The following PPM1H variants were observed in gnomAD, a reference collection of about 807,000 sequenced individuals.
The protein encoded by PPM1H is protein phosphatase, Mg2+/Mn2+ dependent 1H.
A neutral mutation model predicts 54.9 loss-of-function variants in PPM1H; 27 were observed. The observed-to-expected ratio is 0.49, with a 90% CI of 0.36 to 0.68. PPM1H has a LOEUF of 0.68. PPM1H is among the 30% of genes least tolerant of loss of function. The pLI, the probability that PPM1H is intolerant of heterozygous loss-of-function variation, is 0.00. For missense variants in PPM1H, 596 were observed against 667.8 expected, an observed-to-expected ratio of 0.89 and a Z score of 1.19; for synonymous variants, 305 against 270.8, an observed-to-expected ratio of 1.13 and a Z score of -1.24.
intron 4 of PPM1H, among the ~76,000 whole-genome samples, chr12:62,757,120 G>A (rs540446523): frequency 2.8e-4 from 42 of 152,302 alleles, no homozygotes; most frequent in African/African-American, 7.9e-4. Flanking sequence ...TTTGGTCCTC[G>A]TGAGAAGCCT....
At position 62,677,242 on chromosome 12, in the gene PPM1H, T is replaced by A. The variant is rs187744521; in HGVS notation, c.1246-9913A>T. 2.1e-3 allele frequency among the ~76,000 whole-genome samples: 313 copies of A among 152,338 alleles called. 1 individual carries two copies. The highest frequency in any genetic ancestry group is 7.0e-3 in the African/African-American group (293 of 41,590). ...ACCTTGCTCACCCTCCAGTTGCCCATGTACCTCATTCTTCCTGGATGTGGG... is the reference window on the plus strand; with the variant it reads ...ACCTTGCTCACCCTCCAGTTGCCCAAGTACCTCATTCTTCCTGGATGTGGG... On this transcript the variant is annotated intron_variant, in intron 8 of 9. Coordinates refer to ENST00000228705, the MANE Select transcript of PPM1H (RefSeq NM_020700.2).
intron 5 of PPM1H, among the ~76,000 whole-genome samples, chr12:62,725,967 C>T (rs1161191868): frequency 6.6e-6 from 1 of 152,206 alleles, no homozygotes. Flanking sequence ...TGACACAGCA[C>T]AGGTGGCATG....
intron 1 of PPM1H, among the ~76,000 whole-genome samples, chr12:62,872,440 A>T (rs529842527): frequency 6.6e-6 from 1 of 152,358 alleles, no homozygotes; most frequent in African/African-American, 2.4e-5. Context: ...CAAATGGCAT[A>T]GATGGAATAT....
At chr12:62,724,296 T>C (rs555710903) in intron 5 of PPM1H, among the ~76,000 whole-genome samples, 2 of 152,226 alleles carry the variant, frequency 1.3e-5, no homozygotes, top group Non-Finnish European at 2.9e-5. Flanking sequence ...GCATCAGCCA[T>C]GAATGGGTAA....
chr12:62,741,147 T>C (rs1043395168), intron 4 of PPM1H, among the ~76,000 whole-genome samples: 1 of 152,176 alleles, frequency 6.6e-6, no homozygotes, highest in Non-Finnish European at 1.5e-5. Flanking sequence ...ATTTTCCACC[T>C]AGTTGCTCGT....
intron 1 of PPM1H, among the ~76,000 whole-genome samples, chr12:62,903,063 C>A (rs77170354): frequency 6.6e-6 from 1 of 152,032 alleles, no homozygotes; most frequent in Non-Finnish European, 1.5e-5. Flanking sequence ...CCAATATGGA[C>A]AACTCACTAT....
chr12:62,854,977 T>A (rs1034494081), intron 1 of PPM1H, among the ~76,000 whole-genome samples: 1 of 152,152 alleles, frequency 6.6e-6, no homozygotes, highest in African/African-American at 2.4e-5. Flanking sequence ...CTTCAGGGAT[T>A]AGACATCTGG....
Position 62,934,884 on chromosome 12 carries a change from G to C in PPM1H, c.-148C>G. ...CGCCGCGCGCGGCTCCCAGAGCCTA[G>C]TGCTGCAGGGGGCCGAGCCCCGGCC... On this transcript the variant is annotated 5_prime_UTR_variant, in exon 1 of 10. Coordinates refer to ENST00000228705, the MANE Select transcript of PPM1H (RefSeq NM_020700.2). The surrounding 1 kb of genome is among the most constrained non-coding windows in gnomAD (Gnocchi z 4.2). 4 of 703,300 alleles carry C rather than the reference G, an allele frequency of 5.7e-6. No homozygotes were observed. The highest frequency in any genetic ancestry group is 7.7e-6 in the Non-Finnish European group (4 of 516,956). The allele number at this position is 703,300 out of a possible 1,614,324, so 43.6% of individuals were successfully genotyped here.
At chr12:62,931,834 A>G (rs1251085285) in intron 1 of PPM1H, among the ~76,000 whole-genome samples, 4 of 152,232 alleles carry the variant, frequency 2.6e-5, no homozygotes, top group African/African-American at 9.7e-5. Context: ...GTTAGCCATT[A>G]CCAATAGTAT....
chr12:62,778,971 A>G (rs889754101), intron 4 of PPM1H, among the ~76,000 whole-genome samples: 1 of 151,812 alleles, frequency 6.6e-6, no homozygotes, highest in Non-Finnish European at 1.5e-5. Context: ...GAAAGGAAGA[A>G]AGGGAAGGAA....
At chr12:62,804,666 C>CTTTTTTTTTTTTTTTT (rs1162966258) in intron 2 of PPM1H, among the ~76,000 whole-genome samples, 1 of 134,284 alleles carries the variant, frequency 7.4e-6, no homozygotes. Context: ...TGGTTAATTT[C>CTTTTTTTTTTTTTTTT]TTTTTTTTTC....
At chr12:62,683,026 TTTATTATTTATTATTATTA>T (rs1325785205) in intron 8 of PPM1H, among the ~76,000 whole-genome samples, 15 of 136,912 alleles carry the variant, frequency 1.1e-4, no homozygotes, top group African/African-American at 4.0e-4. Flanking sequence ...TTTGGGAGAG[TTTATTATTTATTATTATTA>T]TTATTATTAT....
chr12:62,934,444 GA>G lies in PPM1H; in HGVS notation c.245+47del. Reference sequence around the variant, plus strand: ...GAGAAGAGGGCTGGAACCGTGCGGGGAAGGGCCGCGAGGAGAGCAGGGGCGC... The same window carrying G: ...GAGAAGAGGGCTGGAACCGTGCGGGGAGGGCCGCGAGGAGAGCAGGGGCGC... On this transcript the variant is annotated intron_variant, in intron 1 of 9. Transcript: ENST00000228705. This position sits in a 1 kb window ranked among gnomAD's most constrained non-coding sequence, Gnocchi z 4.2. 1.3e-6 allele frequency: 2 copies of G among 1,495,596 alleles called. No homozygotes were observed. Among genetic ancestry groups the G allele is most frequent in the East Asian group, 2.5e-5 (1 of 39,326 alleles). 92.6% of individuals were successfully genotyped at this position (1,495,596 alleles called of 1,614,324 possible). A position where few individuals can be genotyped will look rare whatever the true frequency, so the allele number is the denominator to read the frequency against.
chr12:62,658,056 C>CA (rs34769800), intron 9 of PPM1H, among the ~76,000 whole-genome samples: 22,290 of 107,166 alleles, frequency 0.21, 3,104 homozygotes, highest in Middle Eastern at 0.29. Context: ...ATCCAGGTTA[C>CA]AAAAAAAAAA....
At chr12:62,736,044 T>A (rs2076347897) in intron 5 of PPM1H, among the ~76,000 whole-genome samples, 1 of 152,056 alleles carries the variant, frequency 6.6e-6, no homozygotes, top group Non-Finnish European at 1.5e-5. Context: ...ATTCTGTAAA[T>A]TGCAGGGAGC....
intron 4 of PPM1H, among the ~76,000 whole-genome samples, chr12:62,746,955 CT>C (rs1352522161): frequency 2.0e-5 from 3 of 151,970 alleles, no homozygotes; most frequent in Non-Finnish European, 2.9e-5. Context: ...TCTTTCTTTC[CT>C]TTTTTCTTTT....
At chr12:62,683,515 G>C (rs746105801) in intron 8 of PPM1H, among the ~76,000 whole-genome samples, 1 of 152,158 alleles carries the variant, frequency 6.6e-6, no homozygotes, top group African/African-American at 2.4e-5. Flanking sequence ...TTTAAAGAAG[G>C]CTGTTTCAGA....
intron 9 of PPM1H, among the ~76,000 whole-genome samples, chr12:62,664,570 C>T (rs1280289453): frequency 6.6e-6 from 1 of 152,212 alleles, no homozygotes; most frequent in African/African-American, 2.4e-5. Context: ...CCTCCCTTGA[C>T]AATTTGTACG....
intron 1 of PPM1H, among the ~76,000 whole-genome samples, chr12:62,871,897 G>A (rs774455031): frequency 2.1e-4 from 32 of 152,134 alleles, no homozygotes; most frequent in Non-Finnish European, 3.8e-4. Context: ...AAGAACACAT[G>A]GATGGCACAG....
Sources: gnomAD v4.1 joint callset for allele counts (sites outside exome capture counted in the v4.1 genomes callset) on GRCh38, gnomAD v4.1.1 for gene constraint, Gnocchi (gnomAD v3.1) non-coding constraint, MANE v1.5 for transcripts, NCBI Gene and HGNC (gene_info 2026-07-23, HGNC 2026-07-21) for gene names.